Variants in ZC4H2 observed in about 807,000 individuals in gnomAD.
ZC4H2 encodes the protein zinc finger C4H2 domain-containing protein.
For synonymous variants in ZC4H2, 84 were observed against 66.3 expected (o/e 1.27, Z -1.30); for missense variants, 137 against 173.9 (o/e 0.79, Z 1.19).
At chrX:64,920,401 G>C in intron 2 of ZC4H2, 148 bp from the exon 3 acceptor site, 1 of 537,894 alleles carries the variant, frequency 1.9e-6, no homozygotes, top group Non-Finnish European at 2.8e-6. Flanking sequence ...ATGTAACTCT[G>C]GTCAAGTCTC....
intron 1 of ZC4H2, among the ~76,000 whole-genome samples, chrX:64,931,720 T>C (rs1434056044): frequency 8.9e-6 from 1 of 111,843 alleles, no homozygotes; most frequent in East Asian, 2.8e-4. Context: ...AGAAAATGCT[T>C]GATATAATTT....
chrX:64,950,217 T>A (rs961834081), intron 1 of ZC4H2, among the ~76,000 whole-genome samples: 2 of 111,752 alleles, frequency 1.8e-5, no homozygotes, highest in Non-Finnish European at 1.9e-5. Flanking sequence ...GAGAGACAGT[T>A]TGTTATAATT....
At position 64,967,240 on chromosome X, in the gene ZC4H2, C is replaced by T. The variant is rs1034414419; in HGVS notation, c.53+9085G>A. On this transcript the variant is annotated intron_variant, in intron 1 of 4. Transcript: ENST00000374839. ...GTCTTCAGGATTTGCATCTAATTCC[C>T]AGCCTTCCATTCTCTGTCCAGCAAT... Among the ~76,000 whole-genome samples, 5 of 111,352 alleles carry T rather than the reference C, an allele frequency of 4.5e-5. No individual in the cohort carries two copies. The East Asian group carries it at 1.1e-3, about 25-fold the overall frequency.
At chrX:65,027,990 G>A (rs1440405885) in intron 1 of ZC4H2, among the ~76,000 whole-genome samples, 3 of 111,803 alleles carry the variant, frequency 2.7e-5, no homozygotes, top group Non-Finnish European at 5.6e-5. Flanking sequence ...TATTCCAAGA[G>A]GCAGATAAAG....
intron 1 of ZC4H2, among the ~76,000 whole-genome samples, chrX:65,026,176 T>C (rs1298811392): frequency 3.6e-5 from 4 of 111,679 alleles, no homozygotes; most frequent in Non-Finnish European, 7.5e-5. Flanking sequence ...TGACCTATAA[T>C]AGAAATATTT....
Position 65,029,690 on chromosome X carries a change from A to T in ZC4H2, c.-272+4939T>A, listed in dbSNP as rs780502932. Among the ~76,000 whole-genome samples the T allele has an allele frequency of 6.3e-5, 7 of 111,741 alleles. No individual in the cohort carries two copies. In the East Asian group the frequency reaches 2.0e-3, roughly 31 times the overall value. ...GGAGCTCTAATAGGAGATTTAGTCTATGTGAGACTGGAGGAATAAGGGTAT... is the reference window on the plus strand; with the variant it reads ...GGAGCTCTAATAGGAGATTTAGTCTTTGTGAGACTGGAGGAATAAGGGTAT... On this transcript the variant is annotated intron_variant, in intron 1 of 4. Coordinates refer to the ZC4H2 transcript ENST00000337990.
chrX:64,927,922 T>A (rs1044582594), intron 1 of ZC4H2, among the ~76,000 whole-genome samples: 1 of 112,612 alleles, frequency 8.9e-6, no homozygotes, highest in African/African-American at 3.2e-5. Flanking sequence ...CACTTAAGTG[T>A]CTTCTTTTGA....
intron 1 of ZC4H2, among the ~76,000 whole-genome samples, chrX:64,928,357 C>A (rs985800295): frequency 3.6e-5 from 4 of 111,879 alleles, no homozygotes; most frequent in Non-Finnish European, 7.5e-5. Flanking sequence ...CCAGTTTTCC[C>A]AACACCATTT....
Position 64,917,798 on chromosome X carries a change from C to T in ZC4H2, c.660G>A (p.Arg220=). 8.3e-7 allele frequency: 1 copy of T among 1,211,063 alleles called. No homozygotes were observed. Among genetic ancestry groups the T allele is most frequent in the Non-Finnish European group, 1.1e-6 (1 of 895,269 alleles). Residue 220 remains arginine (R), a synonymous_variant, in exon 5 of 5, where the codon CGG becomes CGA. Transcript: ENST00000374839. The part of the protein sequence containing the change: ...SRSRNPKKPK[R]KQDE ...CTCCCTTTCTTTATTCATCCTGCTT[C>T]CGTTTCGGCTTTTTGGGGTTCCGGG...
intron 1 of ZC4H2, among the ~76,000 whole-genome samples, chrX:64,988,351 A>G (rs1219240820): frequency 9.0e-6 from 1 of 111,574 alleles, no homozygotes; most frequent in African/African-American, 3.3e-5. Context: ...AGTCCCACCA[A>G]CAGTGTAAAA....
chrX:64,966,729 T>C (rs1307878099), intron 1 of ZC4H2, among the ~76,000 whole-genome samples: 1 of 112,144 alleles, frequency 8.9e-6, no homozygotes, highest in Admixed American at 9.5e-5. Flanking sequence ...ACTATTTATA[T>C]GCAGCATCAA....
At chrX:64,938,600 C>T (rs1930123773) in intron 1 of ZC4H2, among the ~76,000 whole-genome samples, 2 of 111,825 alleles carry the variant, frequency 1.8e-5, no homozygotes, top group South Asian at 7.5e-4. Flanking sequence ...ATCAAGTTGG[C>T]TCCATACCTG....
intron 1 of ZC4H2, among the ~76,000 whole-genome samples, chrX:65,024,157 T>C (rs763880245): frequency 9.1e-6 from 1 of 110,247 alleles, no homozygotes; most frequent in East Asian, 2.9e-4. Context: ...ATACCTAATG[T>C]AGATGATGGG....
intron 1 of ZC4H2, among the ~76,000 whole-genome samples, chrX:65,027,718 G>A (rs55762542): frequency 6.6e-4 from 74 of 111,568 alleles, no homozygotes; most frequent in Non-Finnish European, 1.3e-3. Flanking sequence ...GCTTTGTTTG[G>A]TCTCAGTGAG....
chrX:64,922,665 C>G (rs1240956319), intron 1 of ZC4H2, among the ~76,000 whole-genome samples: 1 of 111,862 alleles, frequency 8.9e-6, no homozygotes, highest in Non-Finnish European at 1.9e-5. Flanking sequence ...CCCAAGAAAC[C>G]AAAAATGATC....
chrX:64,992,659 G>C (rs1932331642), intron 1 of ZC4H2, among the ~76,000 whole-genome samples: 1 of 111,312 alleles, frequency 9.0e-6, no homozygotes, highest in Non-Finnish European at 1.9e-5. Context: ...AGTCTTCAGG[G>C]CTAGATTTCT....
intron 1 of ZC4H2, among the ~76,000 whole-genome samples, chrX:64,931,323 G>A (rs998141627): frequency 2.7e-5 from 3 of 111,224 alleles, no homozygotes; most frequent in African/African-American, 9.8e-5. Flanking sequence ...TTTATCTTTT[G>A]CATTGTTTTT....
At chrX:64,992,199 C>T (rs2147273969) in intron 1 of ZC4H2, among the ~76,000 whole-genome samples, 1 of 111,663 alleles carries the variant, frequency 9.0e-6, no homozygotes, top group South Asian at 3.8e-4. Context: ...TCAAACCATG[C>T]CTTATTTCAG....
intron 1 of ZC4H2, among the ~76,000 whole-genome samples, chrX:64,930,918 TG>T (rs1370165535): frequency 6.2e-5 from 7 of 112,278 alleles, no homozygotes; most frequent in African/African-American, 1.9e-4. Context: ...TCTTTTGGAA[TG>T]GTTTCAGTAG....
Sources: allele counts gnomAD v4.1 joint callset (sites outside exome capture counted in the v4.1 genomes callset), GRCh38; gene constraint gnomAD v4.1.1; transcripts MANE v1.5; gene names NCBI Gene and HGNC (gene_info 2026-07-23, HGNC 2026-07-21).